ZNF423: variants seen among roughly 807,000 people sequenced by gnomAD.
ZNF423 encodes Ebf-associated zinc finger protein.
ZNF423 carries 12 observed loss-of-function variants against 95.8 expected under a neutral mutation model. That is an observed-to-expected ratio of 0.13 (90% CI 0.08 to 0.20). ZNF423 has a LOEUF of 0.20. Among genes scored for constraint, ZNF423 ranks in the 10% least tolerant of loss-of-function variants. ZNF423 has a pLI of 1.00. For missense variants in ZNF423, 1,316 were observed against 1,737.1 expected (o/e 0.76, Z 4.31); for synonymous variants, 749 against 711.9 (o/e 1.05, Z -0.83).
intron 3 of ZNF423, among the ~76,000 whole-genome samples, chr16:49,698,913 C>T (rs181990834): frequency 1.8e-3 from 267 of 152,330 alleles, no homozygotes; most frequent in Non-Finnish European, 3.4e-3. Context: ...TCTAAGAAAC[C>T]CACCAGAGAC....
At chr16:49,786,481 C>T (rs1233251567) in intron 2 of ZNF423, among the ~76,000 whole-genome samples, 2 of 152,258 alleles carry the variant, frequency 1.3e-5, no homozygotes, top group Non-Finnish European at 2.9e-5. Context: ...CTGCTCCATG[C>T]CTTACAGCTC....
intron 1 of ZNF423, among the ~76,000 whole-genome samples, chr16:49,822,932 T>G (rs889552490): frequency 3.3e-5 from 5 of 152,164 alleles, no homozygotes; most frequent in African/African-American, 1.2e-4. Flanking sequence ...TTTCAAAGCC[T>G]CTGGATGGCT....
intron 1 of ZNF423, among the ~76,000 whole-genome samples, chr16:49,807,043 G>C (rs573565404): frequency 6.8e-6 from 1 of 146,468 alleles, no homozygotes; most frequent in Non-Finnish European, 1.5e-5. Context: ...AAAAAAAAAA[G>C]TGCACAGCAT....
chr16:49,641,940 C>G (rs974129730), intron 3 of ZNF423, among the ~76,000 whole-genome samples: 1 of 152,186 alleles, frequency 6.6e-6, no homozygotes, highest in African/African-American at 2.4e-5. Flanking sequence ...CTGCACAGCT[C>G]TGTAAACTTA....
At chr16:49,703,566 C>G (rs560256213) in intron 3 of ZNF423, among the ~76,000 whole-genome samples, 1 of 152,256 alleles carries the variant, frequency 6.6e-6, no homozygotes, top group Non-Finnish European at 1.5e-5. Context: ...GGACAAATGG[C>G]TCTTCCTAGA....
intron 5 of ZNF423, among the ~76,000 whole-genome samples, chr16:49,609,356 T>C (rs1971643128): frequency 6.6e-6 from 1 of 152,034 alleles, no homozygotes; most frequent in Admixed American, 6.6e-5. Context: ...TCAAATTCAA[T>C]GGCAAAAAAG....
chr16:49,802,623 G>A (rs2034599991), intron 1 of ZNF423, among the ~76,000 whole-genome samples: 1 of 152,182 alleles, frequency 6.6e-6, no homozygotes, highest in South Asian at 2.1e-4. Context: ...TGGCAGCCTA[G>A]GACGCTGCAG....
intron 5 of ZNF423, among the ~76,000 whole-genome samples, chr16:49,545,383 G>A (rs1969403114): frequency 1.3e-5 from 2 of 152,150 alleles, no homozygotes; most frequent in South Asian, 2.1e-4. Flanking sequence ...GAGGCGCCGG[G>A]CAGGCTTGAC....
At chr16:49,751,455 C>T (rs946920931) in intron 2 of ZNF423, among the ~76,000 whole-genome samples, 1 of 152,168 alleles carries the variant, frequency 6.6e-6, no homozygotes, top group Non-Finnish European at 1.5e-5. Context: ...AATCCTCCCA[C>T]CTTGTAATCC....
chr16:49,744,369 G>A (rs1287134130), intron 2 of ZNF423, among the ~76,000 whole-genome samples: 1 of 152,104 alleles, frequency 6.6e-6, no homozygotes, highest in Non-Finnish European at 1.5e-5. Context: ...GCTGTCCCCA[G>A]GCCGAGCACA....
intron 3 of ZNF423, among the ~76,000 whole-genome samples, chr16:49,671,112 G>A (rs192573408): frequency 1.8e-3 from 277 of 152,332 alleles, no homozygotes; most frequent in Admixed American, 6.7e-3. Flanking sequence ...GTGTTTCAGC[G>A]CCAACAGGAT....
At chr16:49,771,264 G>A (rs1370206290) in intron 2 of ZNF423, among the ~76,000 whole-genome samples, 1 of 131,110 alleles carries the variant, frequency 7.6e-6, no homozygotes, top group African/African-American at 2.9e-5. Context: ...GTGCAATGGT[G>A]TGATCTCAGC....
chr16:49,755,005 G>GC (rs1228812615), intron 2 of ZNF423, among the ~76,000 whole-genome samples: 3 of 152,132 alleles, frequency 2.0e-5, no homozygotes, highest in African/African-American at 7.2e-5. Flanking sequence ...GCAACAGTCC[G>GC]CCGGTGCGGC....
At chr16:49,664,809 G>A (rs1208207560) in intron 3 of ZNF423, among the ~76,000 whole-genome samples, 6 of 152,264 alleles carry the variant, frequency 3.9e-5, no homozygotes, top group Admixed American at 6.5e-5. Context: ...CAGAGCGAAA[G>A]GTGATGTTAA....
chr16:49,670,646 TGGGGACTCAGTTTCCCCACATGCTCCG>T (rs1276845163), intron 3 of ZNF423, among the ~76,000 whole-genome samples: 1 of 151,988 alleles, frequency 6.6e-6, no homozygotes, highest in Non-Finnish European at 1.5e-5. Flanking sequence ...ACGCCTCTGT[TGGGGACTCAGTTTCCCCACATGCTCCG>T]GCTCCCCCTG....
chr16:49,650,602 C>T (rs1340040747), intron 3 of ZNF423, among the ~76,000 whole-genome samples: 1 of 152,174 alleles, frequency 6.6e-6, no homozygotes, highest in East Asian at 1.9e-4. Context: ...GTTATTATCC[C>T]CATATTACGA....
intron 2 of ZNF423, among the ~76,000 whole-genome samples, chr16:49,778,445 G>C (rs1226724567): frequency 6.6e-6 from 1 of 152,226 alleles, no homozygotes; most frequent in African/African-American, 2.4e-5. Context: ...CACAGTCCAT[G>C]TGTCCAGCCC....
chr16:49,730,947 C>A lies in ZNF423; in HGVS notation c.125G>T (p.Cys42Phe). Residue 42 changes from cysteine to phenylalanine, a missense_variant, in exon 3 of 8, where the codon TGC becomes TTC. Cys to Phe is a radical substitution (Grantham distance 205). Around this residue, in one of 6 missense-constraint regions of ZNF423, gnomAD observed 155 missense variants for 170.8 expected, o/e 0.91. Coordinates refer to ENST00000563137, the MANE Select transcript of ZNF423 (RefSeq NM_001379286.1). ...CAGCGCACGGCTGGTTTTCTGATCG[C>A]ACTCTGGCTCTCCTTCTAGGCCTCC... ...AAGGLEGEPE[C>F]DQKTSRALED... 6.2e-7 allele frequency: 1 copy of A among 1,614,228 alleles called. No individual in the cohort carries two copies. The highest frequency in any genetic ancestry group is 1.3e-5 in the African/African-American group (1 of 75,068).
intron 7 of ZNF423, among the ~76,000 whole-genome samples, chr16:49,505,969 C>T (rs1333224940): frequency 6.6e-6 from 1 of 152,210 alleles, no homozygotes; most frequent in Non-Finnish European, 1.5e-5. Flanking sequence ...AGGCAGAAGT[C>T]ACTGGTTTTC....
Sources: allele counts gnomAD v4.1 joint callset (sites outside exome capture counted in the v4.1 genomes callset), GRCh38; gene constraint gnomAD v4.1.1; regional missense constraint gnomAD v4.1.1; transcripts MANE v1.5; gene names NCBI Gene and HGNC (gene_info 2026-07-23, HGNC 2026-07-21).